Variants in NOS1 observed in about 807,000 individuals in gnomAD.
The protein encoded by NOS1 is NOS type I.
A neutral mutation model predicts 164.5 loss-of-function variants in NOS1; 51 were observed. That is an observed-to-expected ratio of 0.31 (90% confidence interval 0.25 to 0.39). The LOEUF is 0.39. NOS1 is among the 10% of genes least tolerant of loss of function. NOS1 has a pLI of 1.00. For synonymous variants in NOS1, 719 were observed against 745.8 expected (o/e 0.96, Z 0.59); for missense variants, 1,362 against 1,885.6 (o/e 0.72, Z 5.14).
rs930387325 is a variant in NOS1 at position 117,243,800 on chromosome 12, C to T, written c.2824-365G>A. Among the ~76,000 whole-genome samples, 1 of 151,536 alleles carries T rather than the reference C, an allele frequency of 6.6e-6. No homozygotes were observed. Among genetic ancestry groups the T allele is most frequent in the African/African-American group, 2.4e-5 (1 of 41,276 alleles). On this transcript the variant is annotated intron_variant, in intron 18 of 28. Coordinates refer to ENST00000317775, the MANE Select transcript of NOS1 (RefSeq NM_000620.5). This position sits in a 1 kb window ranked among gnomAD's most constrained non-coding sequence, Gnocchi z 4.3. ...CCCATCCATCTTTCCATGCATCCAT[C>T]CTTCCCTCCATCTACCCACCCACTC...
At chr12:117,219,319 T>G (rs985077229) in intron 27 of NOS1, among the ~76,000 whole-genome samples, 1 of 150,984 alleles carries the variant, frequency 6.6e-6, no homozygotes, top group Non-Finnish European at 1.5e-5. Context: ...TTTGTTTTTG[T>G]TTTTGAGATG....
chr12:117,296,309 A>G (rs1232449320), intron 3 of NOS1, among the ~76,000 whole-genome samples: 1 of 152,334 alleles, frequency 6.6e-6, no homozygotes, highest in East Asian at 1.9e-4. Flanking sequence ...TGAAGAATGC[A>G]AAGTACTGTC....
At chr12:117,290,082 G>T (rs1273907174) in intron 4 of NOS1, among the ~76,000 whole-genome samples, 1 of 152,192 alleles carries the variant, frequency 6.6e-6, no homozygotes, top group Non-Finnish European at 1.5e-5. Flanking sequence ...AAATGGCAGT[G>T]TTTGCCCAAG....
In NOS1 at chr12:117,320,561, A is replaced by T. The variant is rs186983944; in HGVS notation, c.726-8969T>A. Among the ~76,000 whole-genome samples the T allele has an allele frequency of 1.8e-3, 281 of 152,264 alleles. 1 individual carries two copies. Among genetic ancestry groups the T allele is most frequent in the African/African-American group, 6.5e-3 (271 of 41,562 alleles). ...CTTCAGACTTAAGACCGTCAGAATG[A>T]TAAGGGAATAAAGGTGTATTGCTTT... On this transcript the variant is annotated intron_variant, in intron 2 of 28. Coordinates refer to ENST00000317775, the MANE Select transcript of NOS1 (RefSeq NM_000620.5).
chr12:117,278,908 AAAT>A (rs1317549672), intron 8 of NOS1, among the ~76,000 whole-genome samples: 1 of 149,848 alleles, frequency 6.7e-6, no homozygotes, highest in Non-Finnish European at 1.5e-5. Context: ...CTAATATATC[AAAT>A]AATACATTAA....
chr12:117,319,421 G>T (rs1593019213), intron 2 of NOS1, among the ~76,000 whole-genome samples: 1 of 152,184 alleles, frequency 6.6e-6, no homozygotes, highest in Non-Finnish European at 1.5e-5. Context: ...AGGGCCTTTG[G>T]GCTCTGTCAC....
At chr12:117,269,352 A>G (rs1351593482) in intron 10 of NOS1, among the ~76,000 whole-genome samples, 1 of 151,672 alleles carries the variant, frequency 6.6e-6, no homozygotes, top group Non-Finnish European at 1.5e-5. Flanking sequence ...ATAAGGGGTA[A>G]TTGGTGGGAG....
intron 5 of NOS1, among the ~76,000 whole-genome samples, chr12:117,287,032 T>C (rs1872753377): frequency 6.6e-6 from 1 of 152,140 alleles, no homozygotes; most frequent in South Asian, 2.1e-4. Context: ...CTGGCCAACA[T>C]GGCAAAACTC....
In NOS1 at chr12:117,330,364, T is replaced by C. The variant is rs776921969; in HGVS notation, c.706A>G (p.Met236Val). Residue 236 changes from methionine to valine, a missense_variant, in exon 2 of 29, where the codon ATG becomes GTG. Transcript: ENST00000317775. The surrounding 1 kb of genome is among the most constrained non-coding windows in gnomAD (Gnocchi z 4.6). ...GAPAKAEMKD[M>V]GIQVDRDLDG... ...GCTTACCTGTCCACCTGGATTCCCA[T>C]ATCTTTCATCTCTGCCTTGGCAGGT... 2.5e-6 allele frequency: 4 copies of C among 1,612,994 alleles called. No individual in the cohort carries two copies. The highest frequency in any genetic ancestry group is 3.4e-6 in the Non-Finnish European group (4 of 1,179,366).
At chr12:117,314,240 G>C (rs1874573838) in intron 2 of NOS1, among the ~76,000 whole-genome samples, 1 of 152,190 alleles carries the variant, frequency 6.6e-6, no homozygotes, top group Non-Finnish European at 1.5e-5. Flanking sequence ...AGTGGCTCTT[G>C]ATTACAGGCA....
At chr12:117,233,238 G>A (rs1218679995) in intron 21 of NOS1, among the ~76,000 whole-genome samples, 2 of 151,304 alleles carry the variant, frequency 1.3e-5, no homozygotes. Flanking sequence ...TAGTAGAGAT[G>A]GCATTTCACC....
At chr12:117,294,544 TTTAA>T (rs1873292054) in intron 3 of NOS1, among the ~76,000 whole-genome samples, 1 of 152,132 alleles carries the variant, frequency 6.6e-6, no homozygotes, top group African/African-American at 2.4e-5. Flanking sequence ...ACTTTGATGT[TTTAA>T]TTAGCCAGCA....
At chr12:117,217,432 C>T (rs938839572) in intron 28 of NOS1, among the ~76,000 whole-genome samples, 1 of 152,156 alleles carries the variant, frequency 6.6e-6, no homozygotes, top group Admixed American at 6.5e-5. Context: ...CGGCCATGTG[C>T]GGTGGCTCAC....
chr12:117,213,334 G>C lies in NOS1; in HGVS notation c.*1975C>G. On this transcript the variant is annotated 3_prime_UTR_variant, in exon 29 of 29. Transcript: ENST00000317775. ...AATGGGTTTGCAGGAAAGGAGTTTAGAATGGGCTTCCCTTCAGGATTAGAA... is the reference window on the plus strand; with the variant it reads ...AATGGGTTTGCAGGAAAGGAGTTTACAATGGGCTTCCCTTCAGGATTAGAA... 1 of 985,542 alleles carries C rather than the reference G, an allele frequency of 1.0e-6. No homozygotes were observed. Among genetic ancestry groups the C allele is most frequent in the Non-Finnish European group, 1.2e-6 (1 of 830,004 alleles). 61.0% of individuals were successfully genotyped at this position (985,542 alleles called of 1,614,324 possible). A position where few individuals can be genotyped will look rare whatever the true frequency, so the allele number is the denominator to read the frequency against.
chr12:117,215,328 T>C lies in NOS1; in HGVS notation c.4290-4A>G, dbSNP rs749052389. On this transcript the variant is annotated splice_polypyrimidine_tract_variant and splice_region_variant and intron_variant, in intron 28 of 28. Coordinates refer to ENST00000317775, the MANE Select transcript of NOS1 (RefSeq NM_000620.5). ...GTCCAGTTAGGAGCTGAAAACCCTG[T>C]GGAAAGAGAAGTTGGGGGGCAGTTA... The C allele has an allele frequency of 3.2e-6, 5 of 1,542,496 alleles. No individual in the cohort carries two copies. The South Asian group carries it at 6.3e-5, about 19-fold the overall frequency.
At chr12:117,288,420 C>T (rs1872848371) in intron 4 of NOS1, among the ~76,000 whole-genome samples, 1 of 151,976 alleles carries the variant, frequency 6.6e-6, no homozygotes, top group Non-Finnish European at 1.5e-5. Context: ...TTTTAAGGTT[C>T]CTAAAGTATT....
At chr12:117,351,449 T>C (rs765594915) in intron 1 of NOS1, among the ~76,000 whole-genome samples, 1 of 152,204 alleles carries the variant, frequency 6.6e-6, no homozygotes, top group Non-Finnish European at 1.5e-5. Context: ...CCTTTGTTGG[T>C]GCCTTAACCT....
At chr12:117,335,574 G>A (rs770429157) in intron 1 of NOS1, among the ~76,000 whole-genome samples, 21 of 152,046 alleles carry the variant, frequency 1.4e-4, no homozygotes, top group Non-Finnish European at 2.8e-4. Context: ...CTCTCTGTGC[G>A]ACCTTGGCCA....
chr12:117,233,032 T>TA (rs1869387359), intron 21 of NOS1, among the ~76,000 whole-genome samples: 1 of 127,512 alleles, frequency 7.8e-6, no homozygotes, highest in African/African-American at 3.2e-5. Context: ...CATGCCTCAC[T>TA]ACTTTTTTTT....
Sources: gnomAD v4.1 joint callset for allele counts (sites outside exome capture counted in the v4.1 genomes callset) on GRCh38, gnomAD v4.1.1 for gene constraint, Gnocchi (gnomAD v3.1) non-coding constraint, MANE v1.5 for transcripts, NCBI Gene and HGNC (gene_info 2026-07-23, HGNC 2026-07-21) for gene names.